Variants in LRRC28 observed in about 807,000 individuals in gnomAD.
LRRC28 encodes the protein leucine rich repeat containing 28, also known as leucine-rich repeat-containing protein 28.
Under a neutral mutation model 45.7 loss-of-function variants are expected in LRRC28, and 39 were observed. That is an observed-to-expected ratio of 0.85 (90% CI 0.66 to 1.12). The LOEUF is 1.12. Ranked by LOEUF, LRRC28 falls within the 50% of genes most tolerant of loss-of-function variation. The probability of loss-of-function intolerance (pLI) is 0.00; values close to 1 mark genes in which losing one functional copy is unlikely to be tolerated. For synonymous variants in LRRC28, 206 were observed against 178.8 expected, an observed-to-expected ratio of 1.15 and a Z score of -1.22; for missense variants, 435 against 438.5, an observed-to-expected ratio of 0.99 and a Z score of 0.07.
chr15:99,253,441 T>C (rs2080924876), intron 1 of LRRC28, among the ~76,000 whole-genome samples: 1 of 152,166 alleles, frequency 6.6e-6, no homozygotes, highest in Admixed American at 6.5e-5. Context: ...ATTTTTATGT[T>C]GAAATCTGGA....
chr15:99,353,236 C>T (rs892482707), intron 7 of LRRC28, among the ~76,000 whole-genome samples: 3 of 152,136 alleles, frequency 2.0e-5, no homozygotes, highest in Non-Finnish European at 2.9e-5. Flanking sequence ...GTGAACACCC[C>T]GGGGGCAACC....
intron 5 of LRRC28, among the ~76,000 whole-genome samples, chr15:99,329,046 T>C (rs1956076223): frequency 6.6e-6 from 1 of 152,186 alleles, no homozygotes; most frequent in South Asian, 2.1e-4. Flanking sequence ...TCTGTCTCTT[T>C]GAAAAACTCT....
chr15:99,291,289 A>G (rs1295835284), intron 5 of LRRC28, among the ~76,000 whole-genome samples: 1 of 152,192 alleles, frequency 6.6e-6, no homozygotes, highest in Non-Finnish European at 1.5e-5. Context: ...GAGTAAAATT[A>G]TATACCTTAA....
intron 1 of LRRC28, among the ~76,000 whole-genome samples, chr15:99,253,600 C>A (rs945964286): frequency 7.9e-5 from 12 of 152,106 alleles, no homozygotes; most frequent in Non-Finnish European, 1.6e-4. Context: ...TGGTGAGGCA[C>A]CCTCAAGGCC....
At chr15:99,365,881 G>C (rs1957326228) in intron 9 of LRRC28, among the ~76,000 whole-genome samples, 1 of 152,160 alleles carries the variant, frequency 6.6e-6, no homozygotes, top group Non-Finnish European at 1.5e-5. Context: ...AAGAAGAATA[G>C]CTAGTAAATT....
At chr15:99,358,084 A>G (rs1435549391) in intron 7 of LRRC28, among the ~76,000 whole-genome samples, 2 of 152,350 alleles carry the variant, frequency 1.3e-5, no homozygotes, top group Middle Eastern at 3.4e-3. Context: ...AAAATCTTTC[A>G]GACACCTAAA....
chr15:99,362,525 T>TA (rs1432793089), intron 8 of LRRC28, among the ~76,000 whole-genome samples: 3 of 152,220 alleles, frequency 2.0e-5, no homozygotes, highest in Non-Finnish European at 4.4e-5. Context: ...AAATGTCTGT[T>TA]TTGTGTAGCT....
intron 5 of LRRC28, among the ~76,000 whole-genome samples, chr15:99,323,349 T>G (rs1955864397): frequency 1.3e-5 from 2 of 152,182 alleles, no homozygotes; most frequent in Admixed American, 6.6e-5. Context: ...AACTCCTTCT[T>G]AGGAAGATAT....
At chr15:99,383,657 A>G (rs1443637777) in intron 9 of LRRC28, among the ~76,000 whole-genome samples, 3 of 152,168 alleles carry the variant, frequency 2.0e-5, no homozygotes, top group African/African-American at 7.2e-5. Flanking sequence ...TGATAATCGT[A>G]TATCTATGAA....
intron 7 of LRRC28, among the ~76,000 whole-genome samples, chr15:99,353,018 T>G (rs1022859086): frequency 2.6e-5 from 4 of 152,218 alleles, no homozygotes; most frequent in Admixed American, 6.5e-5. Context: ...AAACAGATAT[T>G]TCAGTTAATG....
At chr15:99,276,807 G>A (rs1179979592) in intron 3 of LRRC28, among the ~76,000 whole-genome samples, 191 bp downstream of exon 3, 2 of 152,112 alleles carry the variant, frequency 1.3e-5, no homozygotes, top group Admixed American at 6.5e-5. Flanking sequence ...ATTTAAAATT[G>A]TATTTTAAAT....
intron 9 of LRRC28, among the ~76,000 whole-genome samples, chr15:99,365,105 T>G (rs890063818): frequency 6.6e-6 from 1 of 152,208 alleles, no homozygotes. Flanking sequence ...TTTTTAATCT[T>G]GGCAATTCAT....
Position 99,386,212 on chromosome 15 carries a change from T to C in LRRC28, c.*110T>C. ...CCAATGCGGGGGCACTGCAGAACTCTCTAGAAATGTCATGATTGAGCTTCA... is the reference window on the plus strand; with the variant it reads ...CCAATGCGGGGGCACTGCAGAACTCCCTAGAAATGTCATGATTGAGCTTCA... On this transcript the variant is annotated 3_prime_UTR_variant, in exon 10 of 10. Transcript: ENST00000301981. 1.2e-6 allele frequency: 1 copy of C among 822,378 alleles called. No individual in the cohort carries two copies. 50.9% of individuals were successfully genotyped at this position (822,378 alleles called of 1,614,324 possible). A position where few individuals can be genotyped will look rare whatever the true frequency, so the allele number is the denominator to read the frequency against.
intron 7 of LRRC28, among the ~76,000 whole-genome samples, chr15:99,358,416 C>G (rs779353520): frequency 6.6e-6 from 1 of 151,946 alleles, no homozygotes; most frequent in Non-Finnish European, 1.5e-5. Flanking sequence ...CTCTGGAAGG[C>G]TTTAGGGAAA....
chr15:99,338,918 T>C (rs1567676334), intron 6 of LRRC28, among the ~76,000 whole-genome samples: 1 of 152,224 alleles, frequency 6.6e-6, no homozygotes, highest in African/African-American at 2.4e-5. Flanking sequence ...GTTCCTATTA[T>C]TACTATGCCA....
At chr15:99,356,019 C>G (rs28416698) in intron 7 of LRRC28, among the ~76,000 whole-genome samples, 3,208 of 152,298 alleles carry the variant, frequency 0.021, 107 homozygotes, top group African/African-American at 0.073. Context: ...TGAAAGTACT[C>G]AAGTGTGATT....
chr15:99,285,524 C>T, intron 3 of LRRC28: 1 of 1,073,812 alleles, frequency 9.3e-7, no homozygotes, highest in South Asian at 1.4e-5. Context: ...CTCAGGCCTC[C>T]AATGAAGAGC....
intron 5 of LRRC28, among the ~76,000 whole-genome samples, chr15:99,313,620 C>G (rs985065100): frequency 2.0e-5 from 3 of 152,264 alleles, no homozygotes; most frequent in East Asian, 1.9e-4. Context: ...TCTTTCAGCC[C>G]TTTTAATATT....
chr15:99,310,164 ACT>A (rs1188351068), intron 5 of LRRC28, among the ~76,000 whole-genome samples: 1 of 152,162 alleles, frequency 6.6e-6, no homozygotes, highest in African/African-American at 2.4e-5. Context: ...TTGTTGGTAA[ACT>A]CTGGAGGTTG....
Sources: allele counts gnomAD v4.1 joint callset (sites outside exome capture counted in the v4.1 genomes callset), GRCh38; gene constraint gnomAD v4.1.1; transcripts MANE v1.5; gene names NCBI Gene and HGNC (gene_info 2026-07-23, HGNC 2026-07-21).